Variants in IKZF3 observed in about 807,000 individuals in gnomAD.
The protein encoded by IKZF3 is zinc finger protein Aiolos.
In IKZF3, 10 loss-of-function variants were observed where a neutral mutation model predicts 49.0. That is an observed-to-expected ratio of 0.20 (90% confidence interval 0.13 to 0.35). The LOEUF is 0.35. Ranked by LOEUF, IKZF3 falls within the 10% of genes least tolerant of loss-of-function variation. IKZF3 has a pLI of 1.00. For missense variants in IKZF3, 498 were observed against 664.8 expected (o/e 0.75, Z 2.76); for synonymous variants, 209 against 228.2 (o/e 0.92, Z 0.76).
At chr17:39,830,015 T>A (rs2062068198) in intron 2 of IKZF3, among the ~76,000 whole-genome samples, 1 of 152,160 alleles carries the variant, frequency 6.6e-6, no homozygotes, top group Non-Finnish European at 1.5e-5. Flanking sequence ...TACACACAAC[T>A]TTCTTGAATA....
rs1402910157 is a variant in IKZF3 at position 39,788,387 on chromosome 17, C to T, written c.593-13G>A. On this transcript the variant is annotated splice_polypyrimidine_tract_variant and intron_variant, in intron 5 of 7. Coordinates refer to ENST00000346872, the MANE Select transcript of IKZF3 (RefSeq NM_012481.5). ...TAGGGTTTCTCCACTAGAAGGAGAA[C>T]ATAAGGGGCACTCAGTGACCCTCAG... 2 of 1,564,140 alleles carry T rather than the reference C, an allele frequency of 1.3e-6. No individual in the cohort carries two copies. The highest frequency in any genetic ancestry group is 1.7e-5 in the Admixed American group (1 of 59,964).
At chr17:39,863,967 C>T (rs935635756) in intron 1 of IKZF3, among the ~76,000 whole-genome samples, 153 bp downstream of exon 1, 2 of 152,294 alleles carry the variant, frequency 1.3e-5, no homozygotes, top group Non-Finnish European at 2.9e-5. Flanking sequence ...TTAAGAGAAC[C>T]GACGCGCTTT....
intron 3 of IKZF3, among the ~76,000 whole-genome samples, chr17:39,793,441 T>C (rs1450638423): frequency 6.6e-6 from 1 of 152,218 alleles, no homozygotes; most frequent in Non-Finnish European, 1.5e-5. Flanking sequence ...AAGCCATGCA[T>C]TGCCTCTTCC....
At chr17:39,850,986 G>A (rs1168250988) in intron 1 of IKZF3, among the ~76,000 whole-genome samples, 2 of 139,788 alleles carry the variant, frequency 1.4e-5, no homozygotes, top group South Asian at 2.2e-4. Flanking sequence ...TATTATATAT[G>A]TGTATATTAT....
chr17:39,864,173 C>T lies in IKZF3; in HGVS notation c.-47G>A. On this transcript the variant is annotated 5_prime_UTR_variant, in exon 1 of 8. Transcript: ENST00000346872. ...AGCTGCCGCTGTGGCTACTCGGCCT[C>T]TCCACGTGCTCCTGCCGTCGCCTGG... 6.2e-7 allele frequency: 1 copy of T among 1,605,690 alleles called. No individual in the cohort carries two copies. Among genetic ancestry groups the T allele is most frequent in the Non-Finnish European group, 8.5e-7 (1 of 1,176,316 alleles).
chr17:39,825,932 C>T lies in IKZF3; in HGVS notation c.163+3455G>A, dbSNP rs183625085. ...ACTCAGGGGCAGGGATCCTCTTTTC[C>T]CCTACAATTGACTTTGGAACTATGT... On this transcript the variant is annotated intron_variant, in intron 3 of 7. Transcript: ENST00000346872. 4.0e-3 allele frequency among the ~76,000 whole-genome samples: 610 copies of T among 152,188 alleles called. 9 individuals carry two copies. Among genetic ancestry groups the T allele is most frequent in the Admixed American group, 5.9e-3 (90 of 15,280 alleles).
chr17:39,819,757 C>T (rs1157716401), intron 3 of IKZF3, among the ~76,000 whole-genome samples: 1 of 152,110 alleles, frequency 6.6e-6, no homozygotes, highest in Non-Finnish European at 1.5e-5. Flanking sequence ...GCAACCTCTG[C>T]CTCCTGGGCT....
At chr17:39,795,434 A>C (rs1202003645) in intron 3 of IKZF3, among the ~76,000 whole-genome samples, 1 of 152,090 alleles carries the variant, frequency 6.6e-6, no homozygotes, top group Non-Finnish European at 1.5e-5. Flanking sequence ...TTTGAGACAT[A>C]GTCTTGCTCT....
At chr17:39,782,229 A>T (rs2060760684) in intron 6 of IKZF3, among the ~76,000 whole-genome samples, 1 of 152,168 alleles carries the variant, frequency 6.6e-6, no homozygotes, top group African/African-American at 2.4e-5. Context: ...CTGATGCACA[A>T]TACCATGAAA....
At chr17:39,792,649 G>T (rs751141695) in intron 4 of IKZF3, 24 bp downstream of exon 4, 1 of 1,597,126 alleles carries the variant, frequency 6.3e-7, no homozygotes, top group East Asian at 2.2e-5. Context: ...GTTTTCAGAA[G>T]AATGAAAAAA....
intron 3 of IKZF3, among the ~76,000 whole-genome samples, chr17:39,798,639 G>A (rs2061236190): frequency 6.6e-6 from 1 of 151,710 alleles, no homozygotes; most frequent in African/African-American, 2.4e-5. Context: ...CTGAGTAGCT[G>A]GGACTACAGG....
chr17:39,778,854 C>T (rs192539945), intron 6 of IKZF3, among the ~76,000 whole-genome samples: 116 of 152,258 alleles, frequency 7.6e-4, no homozygotes, highest in Middle Eastern at 6.8e-3. Flanking sequence ...GAATGTGGGC[C>T]CATCCACAAA....
chr17:39,852,742 C>T (rs1450803856), intron 1 of IKZF3, among the ~76,000 whole-genome samples: 3 of 152,018 alleles, frequency 2.0e-5, no homozygotes, highest in Non-Finnish European at 2.9e-5. Flanking sequence ...GAGGCCGGGG[C>T]GGACAGATCA....
intron 3 of IKZF3, among the ~76,000 whole-genome samples, chr17:39,812,891 G>GGCAA (rs1387335093): frequency 2.6e-5 from 4 of 152,074 alleles, no homozygotes; most frequent in Non-Finnish European, 5.9e-5. Flanking sequence ...GAGGTCAGGA[G>GGCAA]ATCAAGACCA....
At chr17:39,766,579 A>C in intron 7 of IKZF3, 86 bp from the exon 8 acceptor site, 2 of 1,147,992 alleles carry the variant, frequency 1.7e-6, no homozygotes, top group Non-Finnish European at 2.5e-6. Flanking sequence ...TCAAAAAGGG[A>C]GGAGAGTTAA....
chr17:39,837,182 A>T (rs1311885475), intron 1 of IKZF3, among the ~76,000 whole-genome samples: 1 of 152,076 alleles, frequency 6.6e-6, no homozygotes, highest in Non-Finnish European at 1.5e-5. Flanking sequence ...TGATCCTCCC[A>T]CCTCAGCCTC....
chr17:39,846,695 G>A (rs1247080726), intron 1 of IKZF3, among the ~76,000 whole-genome samples: 1 of 151,750 alleles, frequency 6.6e-6, no homozygotes, highest in Non-Finnish European at 1.5e-5. Flanking sequence ...CAACAAAAAT[G>A]TACAATCATG....
intron 7 of IKZF3, among the ~76,000 whole-genome samples, chr17:39,772,474 G>T (rs1311635109): frequency 1.3e-5 from 2 of 151,998 alleles, no homozygotes; most frequent in Non-Finnish European, 2.9e-5. Context: ...AAAAGCAAAT[G>T]AACAAAAAAG....
intron 3 of IKZF3, among the ~76,000 whole-genome samples, chr17:39,828,735 A>C (rs540685143): frequency 1.3e-5 from 2 of 152,312 alleles, no homozygotes; most frequent in East Asian, 1.9e-4. Flanking sequence ...ATGGTGGTTC[A>C]TGCCTGTAAT....
Sources: allele counts gnomAD v4.1 joint callset (sites outside exome capture counted in the v4.1 genomes callset), GRCh38; gene constraint gnomAD v4.1.1; transcripts MANE v1.5; gene names NCBI Gene and HGNC (gene_info 2026-07-23, HGNC 2026-07-21).